Variants in PSEN1 observed in about 807,000 individuals in gnomAD.
The protein encoded by PSEN1 is presenilin 1.
PSEN1 carries 15 observed loss-of-function variants against 53.5 expected under a neutral mutation model. That is an observed-to-expected ratio of 0.28 (90% CI 0.19 to 0.43). The LOEUF is 0.43. Among genes scored for constraint, PSEN1 ranks in the 20% least tolerant of loss-of-function variants. The pLI is 1.00. For synonymous variants in PSEN1, 208 were observed against 209.8 expected, an observed-to-expected ratio of 0.99 and a Z score of 0.08; for missense variants, 387 against 571.2, an observed-to-expected ratio of 0.68 and a Z score of 3.29.
At chr14:73,211,966 A>G (rs766185838) in intron 10 of PSEN1, 24 bp downstream of exon 10, 1 of 1,611,860 alleles carries the variant, frequency 6.2e-7, no homozygotes, top group South Asian at 1.1e-5. Flanking sequence ...TCTATGTTGC[A>G]AAGTCATGGA....
chr14:73,218,386 C>G (rs1900009172), intron 11 of PSEN1, among the ~76,000 whole-genome samples: 2 of 152,116 alleles, frequency 1.3e-5, no homozygotes, highest in South Asian at 4.1e-4. Flanking sequence ...TGTGCCCAAC[C>G]TGAAAACTAT....
Position 73,221,822 on chromosome 14 carries a change from C to T in PSEN1, c.*2533C>T, listed in dbSNP as rs948641743. 1.1e-4 allele frequency: 17 copies of T among 152,276 alleles called. No homozygotes were observed. The highest frequency in any genetic ancestry group is 2.9e-4 in the African/African-American group (12 of 41,556). The allele number at this position is 152,276 out of a possible 1,614,324, so 9.4% of individuals were successfully genotyped here. ...TTCCACCATGAAAAATAGATTGTCA[C>T]TGGAAAGAACAGTAGCAATTTCCAT... On this transcript the variant is annotated 3_prime_UTR_variant, in exon 12 of 12. Transcript: ENST00000324501.
intron 5 of PSEN1, among the ~76,000 whole-genome samples, chr14:73,176,457 G>C (rs1490749509): frequency 6.6e-6 from 1 of 152,170 alleles, no homozygotes. Context: ...TTATAATCTA[G>C]AATTTACATT....
intron 3 of PSEN1, 82 bp from the exon 4 acceptor site, chr14:73,170,715 C>T (rs1007391546): frequency 4.2e-6 from 6 of 1,445,278 alleles, no homozygotes; most frequent in Non-Finnish European, 4.8e-6. Context: ...AGTGACGGGT[C>T]TGTTGTTAAT....
intron 5 of PSEN1, among the ~76,000 whole-genome samples, chr14:73,176,315 C>T (rs1302778765): frequency 6.6e-6 from 1 of 152,150 alleles, no homozygotes; most frequent in East Asian, 1.9e-4. Flanking sequence ...TTTGTCTGCA[C>T]GTGTTTACTT....
intron 1 of PSEN1, among the ~76,000 whole-genome samples, chr14:73,144,088 A>T (rs1461190688): frequency 2.5e-5 from 3 of 121,754 alleles, no homozygotes; most frequent in Non-Finnish European, 3.2e-5. Context: ...TCACCCAGGC[A>T]GGAATGCAGT....
chr14:73,153,219 T>G (rs1362183923), intron 3 of PSEN1, among the ~76,000 whole-genome samples: 3 of 152,344 alleles, frequency 2.0e-5, no homozygotes, highest in Non-Finnish European at 4.4e-5. Flanking sequence ...TCAGTTGTGT[T>G]AAAGTGGAGT....
At chr14:73,143,357 T>C (rs919260230) in intron 1 of PSEN1, among the ~76,000 whole-genome samples, 19 of 152,298 alleles carry the variant, frequency 1.2e-4, no homozygotes, top group Middle Eastern at 3.4e-3. Context: ...AAGATTTCTC[T>C]GGGTGAACTG....
At chr14:73,148,506 G>A (rs1351713551) in intron 3 of PSEN1, among the ~76,000 whole-genome samples, 1 of 152,220 alleles carries the variant, frequency 6.6e-6, no homozygotes, top group Non-Finnish European at 1.5e-5. Flanking sequence ...AAGGATAAGT[G>A]TAGAAGTTCT....
At chr14:73,158,616 C>T (rs762900904) in intron 3 of PSEN1, among the ~76,000 whole-genome samples, 33 of 152,200 alleles carry the variant, frequency 2.2e-4, no homozygotes, top group East Asian at 1.9e-4. Flanking sequence ...GCCATCACAC[C>T]TGGCCAGTTT....
Position 73,186,846 on chromosome 14 carries a change from T to G in PSEN1, c.481-7T>G. On this transcript the variant is annotated splice_polypyrimidine_tract_variant and splice_region_variant and intron_variant, in intron 5 of 11. Coordinates refer to ENST00000324501, the MANE Select transcript of PSEN1 (RefSeq NM_000021.4). ...TGTTAATTATATTGAAATGCTTTCT[T>G]TTCTAGGTCATCCATGCCTGGCTTA... 1 of 1,607,194 alleles carries G rather than the reference T, an allele frequency of 6.2e-7. No homozygotes were observed. The highest frequency in any genetic ancestry group is 8.5e-7 in the Non-Finnish European group (1 of 1,173,744).
intron 3 of PSEN1, among the ~76,000 whole-genome samples, chr14:73,161,149 A>AT (rs1333177598): frequency 6.6e-6 from 1 of 151,090 alleles, no homozygotes; most frequent in Non-Finnish European, 1.5e-5. Flanking sequence ...TAATTTTTGT[A>AT]TTTTTTGTAG....
At chr14:73,205,233 T>C (rs1244761055) in intron 8 of PSEN1, among the ~76,000 whole-genome samples, 1 of 152,012 alleles carries the variant, frequency 6.6e-6, no homozygotes, top group African/African-American at 2.4e-5. Context: ...TCCCAGCACT[T>C]TGGGAGGCTG....
At chr14:73,162,441 T>TCG (rs1211303902) in intron 3 of PSEN1, among the ~76,000 whole-genome samples, 71 of 137,820 alleles carry the variant, frequency 5.2e-4, no homozygotes, top group African/African-American at 1.7e-3. Context: ...TCTCGCTCGC[T>TCG]CGCGCGCTCT....
chr14:73,144,655 A>G (rs966540885), intron 1 of PSEN1, among the ~76,000 whole-genome samples: 7 of 152,140 alleles, frequency 4.6e-5, no homozygotes, highest in African/African-American at 1.7e-4. Flanking sequence ...TCATCTGTAA[A>G]AGGATAAAGG....
intron 10 of PSEN1, among the ~76,000 whole-genome samples, chr14:73,212,713 C>T (rs1484497635): frequency 2.0e-5 from 3 of 152,156 alleles, no homozygotes. Context: ...TGTGTTGCCA[C>T]TTGATGGATT....
intron 3 of PSEN1, chr14:73,160,014 A>G (rs1255281900): frequency 4.4e-6 from 1 of 228,342 alleles, no homozygotes; most frequent in Non-Finnish European, 9.6e-6. Context: ...TGTAGAGACG[A>G]GTTCTCGCCA....
At chr14:73,218,343 G>A (rs187098525) in intron 11 of PSEN1, among the ~76,000 whole-genome samples, 7 of 151,358 alleles carry the variant, frequency 4.6e-5, no homozygotes, top group African/African-American at 1.5e-4. Context: ...TGCCTCAGCC[G>A]CATAAAGTGC....
chr14:73,200,954 G>A (rs1021915315), intron 8 of PSEN1, among the ~76,000 whole-genome samples: 2 of 152,092 alleles, frequency 1.3e-5, no homozygotes, highest in Non-Finnish European at 2.9e-5. Context: ...GGGAGGCTGA[G>A]GTGGGAGGAT....
Sources: gnomAD v4.1 joint callset for allele counts (sites outside exome capture counted in the v4.1 genomes callset) on GRCh38, gnomAD v4.1.1 for gene constraint, MANE v1.5 for transcripts, NCBI Gene and HGNC (gene_info 2026-07-23, HGNC 2026-07-21) for gene names.